DMD: variants seen among roughly 807,000 people sequenced by gnomAD.
The protein encoded by DMD is mutant dystrophin.
In DMD, 63 loss-of-function variants were observed where a neutral mutation model predicts 330.1. The ratio of observed to expected loss-of-function variants is 0.19; its 90% CI spans 0.16 to 0.24. The LOEUF (loss-of-function observed/expected upper bound fraction) is 0.24. Ranked by LOEUF, DMD falls within the 10% of genes least tolerant of loss-of-function variation. DMD has a pLI of 1.00. For missense variants in DMD, 3,344 were observed against 2,684.1 expected (o/e 1.25, Z -5.43); for synonymous variants, 1,223 against 959.8 (o/e 1.27, Z -5.07).
At chrX:32,981,298 C>G in intron 2 of DMD, among the ~76,000 whole-genome samples, 1 of 112,086 alleles carries the variant, frequency 8.9e-6, no homozygotes, top group Non-Finnish European at 1.9e-5. Context: ...TTACTTGCCT[C>G]TTCTTTTAAC....
chrX:32,857,095 A>G (rs1164578848), intron 2 of DMD, among the ~76,000 whole-genome samples: 2 of 111,221 alleles, frequency 1.8e-5, no homozygotes, highest in Non-Finnish European at 3.8e-5. Context: ...AAAAATTTGA[A>G]GTGGAATGTT....
chrX:32,732,055 A>T (rs909433184), intron 7 of DMD, among the ~76,000 whole-genome samples: 2 of 111,841 alleles, frequency 1.8e-5, no homozygotes, highest in African/African-American at 6.5e-5. Context: ...ACCATTACAG[A>T]GAAGTGCTTA....
chrX:32,101,795 C>T (rs2096540804), intron 44 of DMD, among the ~76,000 whole-genome samples: 1 of 111,305 alleles, frequency 9.0e-6, no homozygotes, highest in Non-Finnish European at 1.9e-5. Context: ...CCCCAAATTT[C>T]ATGTGTTGGA....
chrX:32,971,165 T>C lies in DMD; in HGVS notation c.93+48974A>G, dbSNP rs932838621. 3.6e-5 allele frequency among the ~76,000 whole-genome samples: 4 copies of C among 111,576 alleles called. No individual in the cohort carries two copies. In the Admixed American group the frequency reaches 3.8e-4, roughly 11 times the overall value. On this transcript the variant is annotated intron_variant, in intron 2 of 78. Coordinates refer to ENST00000357033, the MANE Select transcript of DMD (RefSeq NM_004006.3). ...TTAGTAGAGATGGGGTTTCACCATG[T>C]TGGCCAGGCTGGTCTTGAACTCTTG...
intron 1 of DMD, among the ~76,000 whole-genome samples, chrX:33,335,337 C>T (rs2054236045): frequency 9.2e-6 from 1 of 108,188 alleles, no homozygotes; most frequent in African/African-American, 3.4e-5. Flanking sequence ...TTTTTCATTT[C>T]CTTTTTCAGG....
chrX:31,311,150 G>C (rs146208671), intron 62 of DMD, among the ~76,000 whole-genome samples: 2 of 110,641 alleles, frequency 1.8e-5, no homozygotes, highest in Non-Finnish European at 3.8e-5. Context: ...CAAGGCTTGG[G>C]AGAAATTGTG....
At chrX:32,506,958 C>T (rs1012089566) in intron 18 of DMD, among the ~76,000 whole-genome samples, 2 of 111,556 alleles carry the variant, frequency 1.8e-5, no homozygotes, top group African/African-American at 6.5e-5. Flanking sequence ...TCTATTTTCT[C>T]AACTTATTAG....
intron 56 of DMD, among the ~76,000 whole-genome samples, chrX:31,506,497 C>A (rs1177216762): frequency 2.7e-5 from 3 of 112,179 alleles, no homozygotes; most frequent in African/African-American, 6.5e-5. Context: ...GGCTTTCATT[C>A]CCCGCCCTTG....
At chrX:32,159,413 C>A (rs1173732695) in intron 44 of DMD, among the ~76,000 whole-genome samples, 7 of 112,005 alleles carry the variant, frequency 6.2e-5, no homozygotes, top group South Asian at 3.7e-4. Flanking sequence ...ATAATCAGTA[C>A]ATTTTTTCTC....
chrX:33,004,597 G>T, intron 2 of DMD, among the ~76,000 whole-genome samples: 1 of 110,496 alleles, frequency 9.1e-6, no homozygotes, highest in Non-Finnish European at 1.9e-5. Context: ...TATTTTTAGT[G>T]TTTTTCTGGT....
At chrX:31,911,962 C>T (rs2094553370) in intron 47 of DMD, among the ~76,000 whole-genome samples, 3 of 111,680 alleles carry the variant, frequency 2.7e-5, no homozygotes, top group African/African-American at 9.8e-5. Context: ...TTTTGAAGTG[C>T]CATCTTCTCT....
chrX:32,783,215 TATATACGTGTATACGTATATACAC>T (rs1396409866), intron 7 of DMD, among the ~76,000 whole-genome samples: 4 of 99,621 alleles, frequency 4.0e-5, no homozygotes, highest in African/African-American at 1.4e-4. Context: ...CACATATGTG[TATATACGTGTATACGTATATACAC>T]ATATGTGTAT....
chrX:32,137,081 C>T (rs1212213780), intron 44 of DMD, among the ~76,000 whole-genome samples: 3 of 112,114 alleles, frequency 2.7e-5, no homozygotes, highest in African/African-American at 9.7e-5. Flanking sequence ...TAACATAAAA[C>T]TTTTTTTAAA....
intron 44 of DMD, among the ~76,000 whole-genome samples, chrX:32,084,824 G>A (rs1277218209): frequency 9.0e-6 from 1 of 110,920 alleles, no homozygotes; most frequent in African/African-American, 3.3e-5. Context: ...ATGGGGTCTC[G>A]GAAGGCGGGG....
chrX:32,570,149 T>C lies in DMD; in HGVS notation c.1812+3381A>G, dbSNP rs139394300. On this transcript the variant is annotated intron_variant, in intron 15 of 78. Coordinates refer to ENST00000357033, the MANE Select transcript of DMD (RefSeq NM_004006.3). ...CCATGGGTTATCAGTGATACTATTTTGAAACAAATTACACTTATTGTAAAG... is the reference window on the plus strand; with the variant it reads ...CCATGGGTTATCAGTGATACTATTTCGAAACAAATTACACTTATTGTAAAG... Among the ~76,000 whole-genome samples, 320 of 111,820 alleles carry C rather than the reference T, an allele frequency of 2.9e-3. 8 individuals are homozygous for C. The highest frequency in any genetic ancestry group is 0.025 in the Admixed American group (258 of 10,478).
chrX:31,320,285 T>C (rs1412514962), intron 62 of DMD, among the ~76,000 whole-genome samples: 1 of 112,358 alleles, frequency 8.9e-6, no homozygotes, highest in Non-Finnish European at 1.9e-5. Flanking sequence ...TGACTTAAAA[T>C]CTCAAGAATG....
chrX:32,300,070 T>G (rs2097515963), intron 42 of DMD, among the ~76,000 whole-genome samples: 1 of 112,104 alleles, frequency 8.9e-6, no homozygotes, highest in East Asian at 2.8e-4. Flanking sequence ...GTACAAGGAT[T>G]ATTCCTTAAT....
At chrX:32,110,765 G>T (rs917539850) in intron 44 of DMD, among the ~76,000 whole-genome samples, 7 of 111,890 alleles carry the variant, frequency 6.3e-5, no homozygotes, top group African/African-American at 2.3e-4. Flanking sequence ...ATGTGTTTCA[G>T]GTTCTTGGGT....
At chrX:31,455,367 A>G (rs1335002942) in intron 59 of DMD, among the ~76,000 whole-genome samples, 2 of 111,531 alleles carry the variant, frequency 1.8e-5, no homozygotes, top group Non-Finnish European at 3.8e-5. Flanking sequence ...TCCCAAGACC[A>G]GAAAATTTAT....
Sources: gnomAD v4.1 joint callset for allele counts (sites outside exome capture counted in the v4.1 genomes callset) on GRCh38, gnomAD v4.1.1 for gene constraint, MANE v1.5 for transcripts, NCBI Gene and HGNC (gene_info 2026-07-23, HGNC 2026-07-21) for gene names.